SPTBN5: variants seen among roughly 807,000 people sequenced by gnomAD.
SPTBN5 encodes spectrin beta chain, non-erythrocytic 5.
In SPTBN5, 513 loss-of-function variants were observed where a neutral mutation model predicts 477.6. That is an observed-to-expected ratio of 1.07 (90% CI 1.00 to 1.16). The LOEUF (loss-of-function observed/expected upper bound fraction) is 1.16, where lower values mean the gene tolerates loss of function less well. Ranked by LOEUF, SPTBN5 falls within the 50% of genes most tolerant of loss-of-function variation. SPTBN5 has a pLI of 0.00. For synonymous variants in SPTBN5, 2,169 were observed against 2,011.7 expected (o/e 1.08, Z -2.09); for missense variants, 5,062 against 4,731.8 (o/e 1.07, Z -2.05).
In SPTBN5 at chr15:41,882,017, G is replaced by T. The variant is rs1226608533; in HGVS notation, c.2376C>A (p.Arg792=). 6.5e-7 allele frequency: 1 copy of T among 1,539,294 alleles called. No homozygotes were observed. The highest frequency in any genetic ancestry group is 8.7e-7 in the Non-Finnish European group (1 of 1,152,636). ...GCTCGGCCGCGAAGGCGCGCAGGAC[G>T]CGCTCCAGCCGCACGTGGCGCCTCA... ...TLLRRHVRLE[R]VLRAFAAELR... Residue 792 remains arginine, a synonymous_variant, in exon 12 of 68, where the codon CGC becomes CGA. Coordinates refer to ENST00000320955, the MANE Select transcript of SPTBN5 (RefSeq NM_016642.4).
chr15:41,864,158 C>T lies in SPTBN5; in HGVS notation c.6919-134G>A, dbSNP rs1011542672. 7.3e-5 allele frequency: 52 copies of T among 713,344 alleles called. No individual in the cohort carries two copies. In the South Asian group the frequency reaches 7.4e-4, roughly 10 times the overall value. 44.2% of individuals were successfully genotyped at this position (713,344 alleles called of 1,614,324 possible). ...CATATTTGGGCAGTGGGAAGAACTG[C>T]CTCCTGCCTCCTCTACTGCGGCAGG... On this transcript the variant is annotated intron_variant, in intron 39 of 67. Coordinates refer to ENST00000320955, the MANE Select transcript of SPTBN5 (RefSeq NM_016642.4).
At chr15:41,866,762 G>A (rs2066331783) in intron 36 of SPTBN5, among the ~76,000 whole-genome samples, 197 bp downstream of exon 36, 2 of 152,182 alleles carry the variant, frequency 1.3e-5, no homozygotes, top group South Asian at 2.1e-4. Context: ...TTGCCCTGGC[G>A]CTGCTAGAGC....
At chr15:41,868,338 G>A (rs2066408261) in intron 33 of SPTBN5, 60 bp downstream of exon 33, 1 of 1,568,840 alleles carries the variant, frequency 6.4e-7, no homozygotes, top group African/African-American at 1.4e-5. Flanking sequence ...GGGGCACCAG[G>A]TGGCCAGGCA....
At chr15:41,852,463 G>T in intron 61 of SPTBN5, 147 bp from the exon 62 acceptor site, 2 of 1,349,952 alleles carry the variant, frequency 1.5e-6, no homozygotes, top group Non-Finnish European at 2.1e-6. Flanking sequence ...TGGCTCTGGA[G>T]GCTCACACCC....
At chr15:41,887,066 T>C in intron 6 of SPTBN5, 147 bp downstream of exon 6, 2 of 722,878 alleles carry the variant, frequency 2.8e-6, no homozygotes, top group South Asian at 3.5e-5. Flanking sequence ...TATCCAGGCA[T>C]CATCATCTCC....
chr15:41,884,822 G>A (rs1277528170), intron 7 of SPTBN5, among the ~76,000 whole-genome samples: 1 of 152,086 alleles, frequency 6.6e-6, no homozygotes, highest in Non-Finnish European at 1.5e-5. Flanking sequence ...CTGGCCTCCA[G>A]GCTATTTTTC....
chr15:41,886,324 A>G lies in SPTBN5; in HGVS notation c.931T>C (p.Tyr311His). 1 of 1,612,082 alleles carries G rather than the reference A, an allele frequency of 6.2e-7. No homozygotes were observed. The highest frequency in any genetic ancestry group is 8.5e-7 in the Non-Finnish European group (1 of 1,179,180). The change falls in exon 7 of 68, where the codon TAC (tyrosine) becomes CAC (histidine). Residue 311 changes from tyrosine to histidine, a missense_variant. By Grantham distance (83) the Tyr-to-His change is moderately conservative. Coordinates refer to ENST00000320955, the MANE Select transcript of SPTBN5 (RefSeq NM_016642.4). ...LQETELLQTQ[Y>H]EQLVADLLRW... is the part of the protein sequence containing the mutation. The stretch of plus-strand genomic sequence containing the variant: ...AGAAGGTCAGCCACCAGCTGCTCGT[A>G]CTGGGTCTGCAGCAGCTCTGTCTCC...
chr15:41,852,355 A>T (rs2065793208), intron 61 of SPTBN5, 39 bp from the exon 62 acceptor site: 1 of 1,523,390 alleles, frequency 6.6e-7, no homozygotes, highest in Non-Finnish European at 8.9e-7. Flanking sequence ...GAGCCAGGTC[A>T]GGGAGACCAG....
rs369339079 is a variant in SPTBN5 at position 41,861,863 on chromosome 15, G to A, written c.7609C>T (p.Leu2537Phe). ...SLARSTGQQLLTAGHPFSSDI... is the reference protein window; with the variant it reads ...SLARSTGQQLFTAGHPFSSDI... The stretch of plus-strand genomic sequence containing the variant: ...GAGCTGAAGGGGTGCCCCGCTGTGA[G>A]CAGTTGCTGCCCAGTGCTTCGGGCC... The change falls in exon 45 of 68, where the codon CTC (leucine) becomes TTC (phenylalanine). Residue 2537 changes from leucine to phenylalanine, a missense_variant. Transcript: ENST00000320955. The A allele has an allele frequency of 6.2e-7, 1 of 1,608,388 alleles. No individual in the cohort carries two copies. Among genetic ancestry groups the A allele is most frequent in the African/African-American group, 1.3e-5 (1 of 74,904 alleles).
intron 49 of SPTBN5, among the ~76,000 whole-genome samples, chr15:41,858,091 G>A (rs1307977018): frequency 3.3e-5 from 5 of 152,170 alleles, no homozygotes; most frequent in African/African-American, 1.2e-4. Flanking sequence ...GAGCTCAGGA[G>A]TTTAACACCA....
At position 41,856,931 on chromosome 15, in the gene SPTBN5, C is replaced by G. The variant is rs143637031; in HGVS notation, c.8730G>C (p.Gln2910His). The change falls in exon 52 of 68, where the codon CAG (glutamine) becomes CAC (histidine). Residue 2910 changes from glutamine to histidine, a missense_variant. Coordinates refer to ENST00000320955, the MANE Select transcript of SPTBN5 (RefSeq NM_016642.4). ...RDADEEMAWV[Q>H]EKLPLAAAQD... ...GGGCAGCGGCCAGAGGCAGCTTCTCCTGCACCCAGGCCATTTCCTCGTCGG... is the reference window on the plus strand; with the variant it reads ...GGGCAGCGGCCAGAGGCAGCTTCTCGTGCACCCAGGCCATTTCCTCGTCGG... The G allele has an allele frequency of 1.9e-6, 3 of 1,569,056 alleles. No homozygotes were observed. Among genetic ancestry groups the G allele is most frequent in the East Asian group, 2.4e-5 (1 of 42,200 alleles).
Position 41,880,286 on chromosome 15 carries a change from G to A in SPTBN5, c.2685C>T (p.Ala895=), listed in dbSNP as rs778903622. The part of the protein sequence containing the change: ...AQLRRARLEE[A]MALFGFCSSC... ...AACTGCAGAAACCGAACAGGGCCAT[G>A]GCCTCCTCCAACCGGGCCCTGCGGA... The change falls in exon 14 of 68, where the codon GCC becomes GCT. Residue 895 remains alanine (A), a synonymous_variant. Transcript: ENST00000320955. 6 of 1,606,794 alleles carry A rather than the reference G, an allele frequency of 3.7e-6. No homozygotes were observed. The highest frequency in any genetic ancestry group is 4.2e-6 in the Non-Finnish European group (5 of 1,177,384).
chr15:41,867,022 C>T lies in SPTBN5; in HGVS notation c.6417G>A (p.Glu2139=). Residue 2139 remains glutamate (E), a synonymous_variant, in exon 36 of 68, where the codon GAG becomes GAA. Transcript: ENST00000320955. The part of the protein sequence containing the change: ...QRRMRVKELA[E]SRGHALHASL... ...AGGCATGCAGGGCGTGTCCCCGGCTCTCCGCCAGCTCCTTCACTCTCATCC... is the reference window on the plus strand; with the variant it reads ...AGGCATGCAGGGCGTGTCCCCGGCTTTCCGCCAGCTCCTTCACTCTCATCC... 1 of 1,556,606 alleles carries T rather than the reference C, an allele frequency of 6.4e-7. No homozygotes were observed. Among genetic ancestry groups the T allele is most frequent in the Non-Finnish European group, 8.7e-7 (1 of 1,150,704 alleles).
In SPTBN5 at chr15:41,853,372, G is replaced by A. The variant is rs2065836545; in HGVS notation, c.10056C>T (p.Leu3352=). 6.2e-7 allele frequency: 1 copy of A among 1,611,532 alleles called. No homozygotes were observed. Among genetic ancestry groups the A allele is most frequent in the Non-Finnish European group, 8.5e-7 (1 of 1,178,886 alleles). Residue 3352 remains leucine (L), a synonymous_variant, in exon 59 of 68, where the codon CTC becomes CTT. Transcript: ENST00000320955. ...LAEDVAGAEQ[L]LGQHEELGQE... ...GCCCCAGCTCTTCATGCTGCCCAAG[G>A]AGCTGCTCAGCCCCCGCCACGTCCT...
rs376158499 is a variant in SPTBN5 at position 41,876,205 on chromosome 15, G to A, written c.4031C>T (p.Ala1344Val). The part of the protein sequence containing the change: ...GLMAAHEPSG[A>V]RRNILQTLKR... ...GAGTGTCTGCAGGATGTTTCTGCGC[G>A]CTCCGGAGGGCTCATGCGCAGCCAT... Residue 1344 changes from alanine (A) to valine (V), a missense_variant, in exon 21 of 68, where the codon GCG (alanine) becomes GTG (valine). Physicochemically the swap from Ala to Val is moderately conservative, Grantham distance 64. Coordinates refer to ENST00000320955, the MANE Select transcript of SPTBN5 (RefSeq NM_016642.4). The A allele has an allele frequency of 7.2e-5, 116 of 1,604,876 alleles. No individual in the cohort carries two copies. Among genetic ancestry groups the A allele is most frequent in the Middle Eastern group, 1.7e-4 (1 of 6,058 alleles).
chr15:41,860,789 A>C (rs746153023), intron 46 of SPTBN5, 31 bp from the exon 47 acceptor site: 9 of 1,478,646 alleles, frequency 6.1e-6, no homozygotes, highest in Non-Finnish European at 8.1e-6. Context: ...AATACTGTCC[A>C]TGAGCCTCCC....
intron 39 of SPTBN5, 27 bp from the exon 40 acceptor site, chr15:41,864,051 T>C (rs778638596): frequency 6.4e-7 from 1 of 1,570,386 alleles, no homozygotes; most frequent in Non-Finnish European, 8.7e-7. Context: ...GGTGAGGGCA[T>C]TGGCACCCCC....
rs769683672 is a variant in SPTBN5 at position 41,876,652 on chromosome 15, AGGGC to A, written c.3852-9_3852-6del. 4.6e-6 allele frequency: 2 copies of A among 433,880 alleles called. No individual in the cohort carries two copies. The highest frequency in any genetic ancestry group is 3.9e-5 in the Admixed American group (1 of 25,558). 26.9% of individuals were successfully genotyped at this position (433,880 alleles called of 1,614,324 possible). A position where few individuals can be genotyped will look rare whatever the true frequency, so the allele number is the denominator to read the frequency against. On this transcript the variant is annotated splice_polypyrimidine_tract_variant and splice_region_variant and intron_variant, in intron 19 of 67. Coordinates refer to ENST00000320955, the MANE Select transcript of SPTBN5 (RefSeq NM_016642.4). ...CTCTGCAGCTGCTCTCTGACCCTGGAGGGCGGGGGGGGGTTGGAGGAGGGCATGG... is the reference window on the plus strand; with the variant it reads ...CTCTGCAGCTGCTCTCTGACCCTGGAGGGGGGGGGTTGGAGGAGGGCATGG...
rs563808355 is a variant in SPTBN5 at position 41,851,783 on chromosome 15, C to T, written c.10652G>A (p.Arg3551Lys). The T allele has an allele frequency of 1.9e-6, 3 of 1,609,124 alleles. No homozygotes were observed. Among genetic ancestry groups the T allele is most frequent in the Admixed American group, 1.7e-5 (1 of 59,904 alleles). ...AAGGAATCTCCAGGCACTCACCTGC[C>T]TCCCGCCAGGCAGCAGGTGCTGCTT... ...EFKQHLLPGG[R>K]QPSSSSWDSC... The change falls in exon 63 of 68, where the codon AGG (arginine) becomes AAG (lysine). Residue 3551 changes from arginine (R) to lysine (K), a missense_variant. By Grantham distance (26) the Arg-to-Lys change is conservative. Coordinates refer to ENST00000320955, the MANE Select transcript of SPTBN5 (RefSeq NM_016642.4).
Sources: allele counts gnomAD v4.1 joint callset (sites outside exome capture counted in the v4.1 genomes callset), GRCh38; gene constraint gnomAD v4.1.1; transcripts MANE v1.5; gene names NCBI Gene and HGNC (gene_info 2026-07-23, HGNC 2026-07-21).